The following PDE11A variants were observed in gnomAD, a reference collection of about 807,000 sequenced individuals.
PDE11A encodes the protein phosphodiesterase 11A, also known as dual 3',5'-cyclic-AMP and -GMP phosphodiesterase 11A.
A neutral mutation model predicts 100.5 loss-of-function variants in PDE11A; 100 were observed. The observed-to-expected ratio is 1.00, with a 90% CI of 0.85 to 1.18. The LOEUF (loss-of-function observed/expected upper bound fraction) is 1.18, where lower values mean the gene tolerates loss of function less well. PDE11A is among the 50% of genes most tolerant of loss of function. PDE11A has a pLI of 0.00. For missense variants in PDE11A, 1,141 were observed against 1,152.6 expected, an observed-to-expected ratio of 0.99 and a Z score of 0.15; for synonymous variants, 381 against 420.8, an observed-to-expected ratio of 0.91 and a Z score of 1.16.
intron 5 of PDE11A, among the ~76,000 whole-genome samples, chr2:177,853,686 G>T (rs868161624): frequency 0.063 from 2,294 of 36,236 alleles, 138 homozygotes; most frequent in East Asian, 0.16. Context: ...ATATATGTGT[G>T]TGTGTGTGTG....
At position 177,851,345 on chromosome 2, in the gene PDE11A, T is replaced by A. The variant is rs370847489; in HGVS notation, c.1368-10962A>T. Among the ~76,000 whole-genome samples, 13 of 151,832 alleles carry A rather than the reference T, an allele frequency of 8.6e-5. No homozygotes were observed. In the East Asian group the frequency reaches 1.7e-3, roughly 20 times the overall value. On this transcript the variant is annotated intron_variant, in intron 5 of 19. Transcript: ENST00000286063. ...GGTGGGAATTGAACAATGAGAACAC[T>A]TGGACACAGGAAGGGGAACATCACA...
chr2:177,850,932 T>C (rs1440495830), intron 5 of PDE11A, among the ~76,000 whole-genome samples: 1 of 152,228 alleles, frequency 6.6e-6, no homozygotes, highest in Admixed American at 6.5e-5. Context: ...TTTTACACTG[T>C]TGGAGGGACT....
intron 2 of PDE11A, among the ~76,000 whole-genome samples, chr2:177,937,796 T>C (rs370690243): frequency 2.0e-5 from 3 of 152,222 alleles, no homozygotes; most frequent in African/African-American, 7.2e-5. Context: ...TGCAGATTCA[T>C]CTGTCACTCA....
chr2:177,789,640 C>T (rs1348761215), intron 9 of PDE11A, among the ~76,000 whole-genome samples: 3 of 151,906 alleles, frequency 2.0e-5, no homozygotes, highest in Non-Finnish European at 4.4e-5. Context: ...CTAGAAAACC[C>T]CATTGTCTCA....
In PDE11A at chr2:177,640,882, A is replaced by G. The variant is rs552495770; in HGVS notation, c.2647-11320T>C. On this transcript the variant is annotated intron_variant, in intron 19 of 19. Coordinates refer to ENST00000286063, the MANE Select transcript of PDE11A (RefSeq NM_016953.4). ...CTACCCAGAAATCCATGGGTCATCC[A>G]TGACATCTTCCTCTTCCCCTTACAT... 2.0e-5 allele frequency among the ~76,000 whole-genome samples: 3 copies of G among 152,306 alleles called. No homozygotes were observed. In the South Asian group the frequency reaches 6.2e-4, roughly 32 times the overall value.
intron 5 of PDE11A, among the ~76,000 whole-genome samples, chr2:177,850,335 T>C (rs1450060275): frequency 1.3e-5 from 2 of 152,140 alleles, no homozygotes; most frequent in African/African-American, 4.8e-5. Context: ...TAGACATATG[T>C]AGAAAGCTGA....
chr2:177,637,994 TA>T (rs2080072564), intron 19 of PDE11A, among the ~76,000 whole-genome samples: 2 of 50,284 alleles, frequency 4.0e-5, no homozygotes, highest in African/African-American at 6.9e-5. Context: ...TATATATATA[TA>T]TATTTTTTTT....
chr2:178,044,950 A>G (rs1297385418), intron 1 of PDE11A, among the ~76,000 whole-genome samples: 4 of 152,198 alleles, frequency 2.6e-5, no homozygotes, highest in Non-Finnish European at 5.9e-5. Context: ...GACTAAGGCA[A>G]CAAATGCCCC....
chr2:177,757,787 A>G (rs1205250905), intron 10 of PDE11A, among the ~76,000 whole-genome samples: 1 of 152,052 alleles, frequency 6.6e-6, no homozygotes, highest in Non-Finnish European at 1.5e-5. Context: ...TGGGGGGATG[A>G]GGTGAAATCT....
At chr2:177,660,361 A>G (rs1465364465) in intron 19 of PDE11A, among the ~76,000 whole-genome samples, 1 of 152,116 alleles carries the variant, frequency 6.6e-6, no homozygotes, top group African/African-American at 2.4e-5. Flanking sequence ...GAGCTAAATC[A>G]ATACCACAAT....
intron 10 of PDE11A, among the ~76,000 whole-genome samples, chr2:177,761,280 A>G (rs533910055): frequency 6.6e-6 from 1 of 152,244 alleles, no homozygotes; most frequent in Non-Finnish European, 1.5e-5. Flanking sequence ...AACCAGGAAC[A>G]TAAAAACAAG....
intron 2 of PDE11A, among the ~76,000 whole-genome samples, chr2:177,996,786 G>A (rs1179953136): frequency 6.6e-6 from 1 of 152,036 alleles, no homozygotes; most frequent in Non-Finnish European, 1.5e-5. Flanking sequence ...CATATATTGG[G>A]CAAAACACTA....
chr2:177,781,340 T>C (rs2082450998), intron 9 of PDE11A, among the ~76,000 whole-genome samples: 1 of 152,146 alleles, frequency 6.6e-6, no homozygotes, highest in African/African-American at 2.4e-5. Context: ...TCACAGATAA[T>C]TGTAACAGAT....
chr2:178,066,616 G>T (rs1053126383), intron 1 of PDE11A, among the ~76,000 whole-genome samples: 1 of 152,096 alleles, frequency 6.6e-6, no homozygotes, highest in Non-Finnish European at 1.5e-5. Context: ...TGAGGGAGAG[G>T]CCCACATTCA....
intron 4 of PDE11A, among the ~76,000 whole-genome samples, chr2:177,878,762 T>G (rs1411443169): frequency 6.6e-6 from 1 of 152,186 alleles, no homozygotes; most frequent in Non-Finnish European, 1.5e-5. Context: ...TGATCCCACT[T>G]CTCACTGCTT....
chr2:177,784,343 C>T (rs1458522033), intron 9 of PDE11A, among the ~76,000 whole-genome samples: 1 of 151,810 alleles, frequency 6.6e-6, no homozygotes, highest in Admixed American at 6.6e-5. Flanking sequence ...GGAAACTCCA[C>T]CAACATCATA....
At chr2:177,794,776 TTGTTTGTTTG>T (rs1321670622) in intron 9 of PDE11A, among the ~76,000 whole-genome samples, 697 of 66,352 alleles carry the variant, frequency 0.011, 4 homozygotes, top group East Asian at 0.091. Context: ...TTTTGTTTGT[TTGTTTGTTTG>T]TTTGTTTGTT....
chr2:177,902,236 C>T (rs1303923691), intron 3 of PDE11A, among the ~76,000 whole-genome samples: 1 of 151,734 alleles, frequency 6.6e-6, no homozygotes, highest in African/African-American at 2.4e-5. Context: ...GATATATTCT[C>T]CCCCGCCCTT....
chr2:177,766,138 T>C (rs1317621952), intron 10 of PDE11A, among the ~76,000 whole-genome samples: 1 of 152,048 alleles, frequency 6.6e-6, no homozygotes, highest in African/African-American at 2.4e-5. Flanking sequence ...AATTTTTCCA[T>C]GGACCTGGGA....
Sources: gnomAD v4.1 joint callset for allele counts (sites outside exome capture counted in the v4.1 genomes callset) on GRCh38, gnomAD v4.1.1 for gene constraint, MANE v1.5 for transcripts, NCBI Gene and HGNC (gene_info 2026-07-23, HGNC 2026-07-21) for gene names.